Variants in CLEC16A observed in about 807,000 individuals in gnomAD.
CLEC16A encodes protein CLEC16A.
A neutral mutation model predicts 109.5 loss-of-function variants in CLEC16A; 51 were observed. The ratio of observed to expected loss-of-function variants is 0.47; its 90% confidence interval spans 0.37 to 0.59. The LOEUF (loss-of-function observed/expected upper bound fraction) is 0.59, where lower values mean the gene tolerates loss of function less well. CLEC16A is among the 20% of genes least tolerant of loss of function. CLEC16A has a pLI of 0.00. For synonymous variants in CLEC16A, 673 were observed against 564.2 expected, an observed-to-expected ratio of 1.19 and a Z score of -2.73; for missense variants, 1,339 against 1,394.0, an observed-to-expected ratio of 0.96 and a Z score of 0.63.
At position 11,178,615 on chromosome 16, in the gene CLEC16A, G is replaced by A. The variant is rs748618212; in HGVS notation, c.3087G>A (p.Thr1029=). ...RSLTGMPPLS[T]PAAACTEPVG... is the part of the protein sequence containing the mutation. ...TCACCGGCATGCCCCCGCTGTCCACGCCGGCTGCCGCCTGCACAGAGCCCG... is the reference window on the plus strand; with the variant it reads ...TCACCGGCATGCCCCCGCTGTCCACACCGGCTGCCGCCTGCACAGAGCCCG... The change falls in exon 24 of 24, where the codon ACG becomes ACA. Residue 1029 remains threonine, a synonymous_variant. Coordinates refer to ENST00000409790, the MANE Select transcript of CLEC16A (RefSeq NM_015226.3). The surrounding 1 kb of genome is among the most constrained non-coding windows in gnomAD (Gnocchi z 6.5). The A allele has an allele frequency of 9.4e-6, 15 of 1,600,570 alleles. No individual in the cohort carries two copies. Among genetic ancestry groups the A allele is most frequent in the East Asian group, 2.2e-5 (1 of 44,648 alleles).
At chr16:11,050,906 C>T (rs2047904547) in intron 17 of CLEC16A, among the ~76,000 whole-genome samples, 1 of 152,216 alleles carries the variant, frequency 6.6e-6, no homozygotes, top group Non-Finnish European at 1.5e-5. Context: ...GGGTGGGAAT[C>T]ACAGAGGCCC....
chr16:11,072,227 TC>T (rs2049115350), intron 19 of CLEC16A, among the ~76,000 whole-genome samples: 1 of 152,074 alleles, frequency 6.6e-6, no homozygotes, highest in Non-Finnish European at 1.5e-5. Context: ...CCTCAAGCGA[TC>T]CTCCCACCTC....
At chr16:11,082,234 G>A (rs1015518143) in intron 19 of CLEC16A, among the ~76,000 whole-genome samples, 1 of 152,220 alleles carries the variant, frequency 6.6e-6, no homozygotes, top group East Asian at 1.9e-4. Flanking sequence ...ACCTGTACAC[G>A]TGGGAAATCG....
chr16:11,088,566 G>A (rs535675128), intron 19 of CLEC16A, among the ~76,000 whole-genome samples: 1 of 152,184 alleles, frequency 6.6e-6, no homozygotes, highest in East Asian at 1.9e-4. Flanking sequence ...TCAGGGAGTG[G>A]GATTTGTGCC....
chr16:11,018,186 G>T (rs183672231), intron 11 of CLEC16A, among the ~76,000 whole-genome samples: 1 of 150,596 alleles, frequency 6.6e-6, no homozygotes, highest in Non-Finnish European at 1.5e-5. Flanking sequence ...ATGTACCTGT[G>T]TTCCTAGCTA....
chr16:10,990,353 G>A (rs576715529), intron 10 of CLEC16A, among the ~76,000 whole-genome samples: 155 of 152,328 alleles, frequency 1.0e-3, no homozygotes, highest in African/African-American at 3.5e-3. Flanking sequence ...CATGAGGTCC[G>A]GTACTAAGGA....
chr16:11,045,711 G>A (rs1169798985), intron 16 of CLEC16A, among the ~76,000 whole-genome samples: 1 of 152,112 alleles, frequency 6.6e-6, no homozygotes, highest in Non-Finnish European at 1.5e-5. Context: ...TGCGAGTGAT[G>A]GTTTCCCCTC....
intron 13 of CLEC16A, chr16:11,027,631 C>T: frequency 6.4e-7 from 1 of 1,558,372 alleles, no homozygotes; most frequent in Non-Finnish European, 8.7e-7. Flanking sequence ...CAGGAGATCT[C>T]ATGGTTCTTG....
intron 19 of CLEC16A, among the ~76,000 whole-genome samples, chr16:11,073,584 C>T (rs958747506): frequency 6.6e-6 from 1 of 152,138 alleles, no homozygotes; most frequent in Non-Finnish European, 1.5e-5. Flanking sequence ...CCAAGCTACC[C>T]ACGACACTCC....
At chr16:11,145,040 A>C (rs945823250) in intron 22 of CLEC16A, among the ~76,000 whole-genome samples, 3 of 152,002 alleles carry the variant, frequency 2.0e-5, no homozygotes, top group Non-Finnish European at 4.4e-5. Flanking sequence ...CGGCAGGGGG[A>C]ATGAGCGGGC....
intron 19 of CLEC16A, among the ~76,000 whole-genome samples, chr16:11,069,739 G>T (rs2048960958): frequency 6.6e-6 from 1 of 152,040 alleles, no homozygotes; most frequent in Non-Finnish European, 1.5e-5. Context: ...ACCATACCCA[G>T]ACTGAAAATA....
intron 23 of CLEC16A, among the ~76,000 whole-genome samples, chr16:11,171,605 A>AT (rs1028808554): frequency 2.0e-5 from 3 of 152,150 alleles, no homozygotes. Context: ...TGGAATCAGC[A>AT]TTTTTTCCCC....
chr16:11,127,755 C>G (rs2052929436), intron 22 of CLEC16A, among the ~76,000 whole-genome samples: 1 of 152,092 alleles, frequency 6.6e-6, no homozygotes, highest in African/African-American at 2.4e-5. Flanking sequence ...GTGGTCTCAG[C>G]TACACTCAGG....
intron 19 of CLEC16A, among the ~76,000 whole-genome samples, chr16:11,068,018 C>T (rs1287006364): frequency 6.6e-6 from 1 of 152,222 alleles, no homozygotes; most frequent in Non-Finnish European, 1.5e-5. Flanking sequence ...CCTTTGCTCT[C>T]CTTCTGGCTG....
At chr16:11,091,499 C>A (rs1745433541) in intron 19 of CLEC16A, among the ~76,000 whole-genome samples, 2 of 152,148 alleles carry the variant, frequency 1.3e-5, no homozygotes, top group African/African-American at 2.4e-5. Context: ...TCTCAGGCCT[C>A]CCCCACCTCT....
intron 22 of CLEC16A, among the ~76,000 whole-genome samples, chr16:11,146,030 C>A (rs189992911): frequency 7.2e-4 from 110 of 152,308 alleles, no homozygotes; most frequent in East Asian, 3.9e-3. Flanking sequence ...GCTAGGTATG[C>A]TCCTATTTGG....
intron 19 of CLEC16A, among the ~76,000 whole-genome samples, chr16:11,079,753 T>TCTCATAAAACTCGA (rs1338400348): frequency 1.3e-5 from 2 of 152,228 alleles, no homozygotes; most frequent in African/African-American, 4.8e-5. Context: ...TTAACTGGTT[T>TCTCATAAAACTCGA]CTCATAAAAC....
intron 13 of CLEC16A, among the ~76,000 whole-genome samples, chr16:11,032,886 G>T (rs1597131826): frequency 6.6e-6 from 1 of 152,296 alleles, no homozygotes; most frequent in East Asian, 1.9e-4. Context: ...TTCTCCAAGT[G>T]CAATGGGAAA....
At chr16:10,974,637 C>G (rs2042953610) in intron 7 of CLEC16A, among the ~76,000 whole-genome samples, 1 of 152,246 alleles carries the variant, frequency 6.6e-6, no homozygotes, top group Non-Finnish European at 1.5e-5. Flanking sequence ...TCCAGGGTGA[C>G]AGCTTTGCCC....
Sources: gnomAD v4.1 joint callset for allele counts (sites outside exome capture counted in the v4.1 genomes callset) on GRCh38, gnomAD v4.1.1 for gene constraint, Gnocchi (gnomAD v3.1) non-coding constraint, MANE v1.5 for transcripts, NCBI Gene and HGNC (gene_info 2026-07-23, HGNC 2026-07-21) for gene names.